Variants in MPPED1 observed in about 807,000 individuals in gnomAD.
MPPED1 encodes the protein metallophosphoesterase domain-containing protein 1.
A neutral mutation model predicts 36.2 loss-of-function variants in MPPED1; 16 were observed. The observed-to-expected ratio is 0.44, with a 90% CI of 0.30 to 0.67. The LOEUF (loss-of-function observed/expected upper bound fraction) is 0.67. Ranked by LOEUF, MPPED1 falls within the 30% of genes least tolerant of loss-of-function variation. The pLI, the probability that MPPED1 is intolerant of heterozygous loss-of-function variation, is 0.10. For synonymous variants in MPPED1, 199 were observed against 191.3 expected, an observed-to-expected ratio of 1.04 and a Z score of -0.33; for missense variants, 307 against 453.4, an observed-to-expected ratio of 0.68 and a Z score of 2.93.
chr22:43,412,434 G>T (rs935691578), intron 1 of MPPED1, among the ~76,000 whole-genome samples: 1 of 152,020 alleles, frequency 6.6e-6, no homozygotes, highest in Non-Finnish European at 1.5e-5. Context: ...CTCGCCAGTC[G>T]CTGCTGCTGC....
intron 1 of MPPED1, among the ~76,000 whole-genome samples, chr22:43,414,297 A>G (rs78759276): frequency 2.0e-5 from 3 of 152,190 alleles, no homozygotes; most frequent in Non-Finnish European, 4.4e-5. Context: ...ACTAGGCAGT[A>G]CGGGCCTTGG....
At chr22:43,478,554 G>A (rs1242000383) in intron 4 of MPPED1, among the ~76,000 whole-genome samples, 1 of 152,142 alleles carries the variant, frequency 6.6e-6, no homozygotes, top group Non-Finnish European at 1.5e-5. Context: ...AGGCAGCTAA[G>A]TGCAGCTGAA....
chr22:43,480,487 C>T (rs2146892355), intron 4 of MPPED1, among the ~76,000 whole-genome samples: 1 of 152,332 alleles, frequency 6.6e-6, no homozygotes, highest in South Asian at 2.1e-4. Flanking sequence ...TGTTGATTGG[C>T]CACTTAGATT....
At chr22:43,431,683 C>T (rs1929693154) in intron 2 of MPPED1, among the ~76,000 whole-genome samples, 1 of 152,218 alleles carries the variant, frequency 6.6e-6, no homozygotes, top group South Asian at 2.1e-4. Context: ...ACCCATAGTA[C>T]CCTGCTTAGA....
intron 3 of MPPED1, among the ~76,000 whole-genome samples, chr22:43,448,169 G>T (rs951069958): frequency 1.3e-5 from 2 of 152,110 alleles, no homozygotes; most frequent in Non-Finnish European, 2.9e-5. Context: ...GATTACAGGC[G>T]TAAGCCACTG....
intron 4 of MPPED1, among the ~76,000 whole-genome samples, chr22:43,496,518 T>A: frequency 2.1e-5 from 1 of 47,076 alleles, no homozygotes; most frequent in Non-Finnish European, 3.4e-5. Flanking sequence ...GTGGAGATGG[T>A]GGTGGAGATG....
In MPPED1 at chr22:43,455,112, G is replaced by A. The variant is rs1384855096; in HGVS notation, c.407-19624G>A. 1.4e-4 allele frequency among the ~76,000 whole-genome samples: 3 copies of A among 22,138 alleles called. No homozygotes were observed. In the South Asian group the frequency reaches 7.5e-3, roughly 55 times the overall value. 14.5% of individuals were successfully genotyped at this position (22,138 alleles called of 152,430 possible). A position where few individuals can be genotyped will look rare whatever the true frequency, so the allele number is the denominator to read the frequency against. On this transcript the variant is annotated intron_variant, in intron 3 of 6. Transcript: ENST00000443721. ...AGCTTCTCTGCCTCTCTGCCTTCAT[G>A]TCCTTTTTTTTTTTTGAGACGAAGT...
At chr22:43,431,747 T>G (rs1009688011) in intron 2 of MPPED1, among the ~76,000 whole-genome samples, 1 of 152,378 alleles carries the variant, frequency 6.6e-6, no homozygotes, top group South Asian at 2.1e-4. Context: ...CAGCACATAA[T>G]GAGCTCTTGA....
intron 3 of MPPED1, among the ~76,000 whole-genome samples, chr22:43,447,789 G>GGA (rs202104825): frequency 0.013 from 1,826 of 141,278 alleles, 60 homozygotes; most frequent in African/African-American, 0.046. Flanking sequence ...AGGACTCTTG[G>GGA]GGAGCACACT....
At chr22:43,467,269 C>G (rs1455177745) in intron 3 of MPPED1, among the ~76,000 whole-genome samples, 1 of 152,320 alleles carries the variant, frequency 6.6e-6, no homozygotes, top group East Asian at 1.9e-4. Flanking sequence ...TGTCTGGAAG[C>G]ATTGAATGCA....
chr22:43,436,542 GCT>G (rs555541861), intron 3 of MPPED1, among the ~76,000 whole-genome samples: 104 of 152,400 alleles, frequency 6.8e-4, no homozygotes, highest in Middle Eastern at 6.8e-3. Context: ...CCCTGTTTGG[GCT>G]GCAGGAAGTG....
At chr22:43,495,128 G>A (rs374903419) in intron 4 of MPPED1, among the ~76,000 whole-genome samples, 16 of 151,576 alleles carry the variant, frequency 1.1e-4, no homozygotes, top group Admixed American at 7.2e-4. Flanking sequence ...GGAGGTGGTA[G>A]GAGGTGGTGG....
chr22:43,501,096 A>AT (rs1171073322), intron 5 of MPPED1, among the ~76,000 whole-genome samples: 1 of 152,062 alleles, frequency 6.6e-6, no homozygotes, highest in Non-Finnish European at 1.5e-5. Context: ...GGAAAGGAAG[A>AT]TTTTGTCAGC....
chr22:43,499,732 TGGG>T lies in MPPED1; in HGVS notation c.748+1385_748+1387del, dbSNP rs1363701355. 2.0e-3 allele frequency among the ~76,000 whole-genome samples: 90 copies of T among 44,566 alleles called. 1 individual carries two copies. Among genetic ancestry groups the T allele is most frequent in the Non-Finnish European group, 3.2e-3 (65 of 20,074 alleles). The allele number at this position is 44,566 out of a possible 152,430, so 29.2% of individuals were successfully genotyped here. A position where few individuals can be genotyped will look rare whatever the true frequency, so the allele number is the denominator to read the frequency against. ...ATGGTGGTGGTGATGGAGGTGGTGA[TGGG>T]GGTGGTGGTGGTGATGGTGATGGAG... On this transcript the variant is annotated intron_variant, in intron 5 of 6. Transcript: ENST00000443721.
chr22:43,435,296 C>G (rs1929918755), intron 3 of MPPED1, 81 bp downstream of exon 3: 3 of 1,457,734 alleles, frequency 2.1e-6, no homozygotes, highest in East Asian at 4.9e-5. Context: ...GCCTGCCTGC[C>G]TTTCCCTCCT....
intron 3 of MPPED1, among the ~76,000 whole-genome samples, chr22:43,467,866 A>G (rs1601985845): frequency 6.6e-6 from 1 of 152,328 alleles, no homozygotes; most frequent in East Asian, 1.9e-4. Context: ...AGAAGCTTGC[A>G]CATATCTTGT....
intron 3 of MPPED1, among the ~76,000 whole-genome samples, chr22:43,469,625 C>T (rs923685375): frequency 6.6e-6 from 1 of 152,186 alleles, no homozygotes; most frequent in Admixed American, 6.5e-5. Context: ...CCTCCATACC[C>T]ACCTGCAAGA....
At chr22:43,432,545 A>AG (rs1929752705) in intron 2 of MPPED1, among the ~76,000 whole-genome samples, 3 of 57,412 alleles carry the variant, frequency 5.2e-5, no homozygotes, top group South Asian at 1.1e-3. Flanking sequence ...GGAGGAGAGA[A>AG]AGAAAGGGAG....
chr22:43,436,996 G>A (rs147415382), intron 3 of MPPED1, among the ~76,000 whole-genome samples: 3 of 152,200 alleles, frequency 2.0e-5, no homozygotes, highest in Admixed American at 6.5e-5. Context: ...TTTACAAAAG[G>A]TTCTTTCCCT....
Sources: allele counts gnomAD v4.1 joint callset (sites outside exome capture counted in the v4.1 genomes callset), GRCh38; gene constraint gnomAD v4.1.1; transcripts MANE v1.5; gene names NCBI Gene and HGNC (gene_info 2026-07-23, HGNC 2026-07-21).